Variants in CNTNAP2 observed in about 807,000 individuals in gnomAD.
The protein encoded by CNTNAP2 is contactin associated protein 2.
Under a neutral mutation model 155.2 loss-of-function variants are expected in CNTNAP2, and 98 were observed. That is an observed-to-expected ratio of 0.63 (90% CI 0.54 to 0.75). The LOEUF (loss-of-function observed/expected upper bound fraction) is 0.75. Ranked by LOEUF, CNTNAP2 falls within the 30% of genes least tolerant of loss-of-function variation. The probability of loss-of-function intolerance (pLI) is 0.00; values close to 1 mark genes in which losing one functional copy is unlikely to be tolerated. For synonymous variants in CNTNAP2, 651 were observed against 631.2 expected (o/e 1.03, Z -0.47); for missense variants, 1,727 against 1,688.1 (o/e 1.02, Z -0.40).
intron 15 of CNTNAP2, among the ~76,000 whole-genome samples, chr7:148,028,981 A>G (rs1165648561): frequency 6.6e-6 from 1 of 152,170 alleles, no homozygotes; most frequent in African/African-American, 2.4e-5. Flanking sequence ...TATGTCTCCA[A>G]ATAAAATCCC....
At chr7:148,242,609 G>A (rs753310271) in intron 20 of CNTNAP2, among the ~76,000 whole-genome samples, 1 of 152,250 alleles carries the variant, frequency 6.6e-6, no homozygotes, top group Non-Finnish European at 1.5e-5. Context: ...CGCGATGGCG[G>A]TAGGACTTGG....
chr7:148,036,571 T>A (rs1802577550), intron 15 of CNTNAP2, among the ~76,000 whole-genome samples: 1 of 152,120 alleles, frequency 6.6e-6, no homozygotes, highest in South Asian at 2.1e-4. Flanking sequence ...ACGGATGCCT[T>A]GATCTTGGAT....
At chr7:148,112,650 C>T (rs1804377792) in intron 15 of CNTNAP2, among the ~76,000 whole-genome samples, 1 of 152,088 alleles carries the variant, frequency 6.6e-6, no homozygotes, top group Admixed American at 6.6e-5. Flanking sequence ...CCACTTCAGC[C>T]TCCCCAGTCA....
At chr7:146,678,032 A>T (rs1164276818) in intron 1 of CNTNAP2, among the ~76,000 whole-genome samples, 1 of 152,090 alleles carries the variant, frequency 6.6e-6, no homozygotes, top group African/African-American at 2.4e-5. Context: ...ATGCTTATAA[A>T]TATAATTTAT....
intron 4 of CNTNAP2, among the ~76,000 whole-genome samples, chr7:147,098,364 C>T (rs371976521): frequency 2.0e-5 from 3 of 152,226 alleles, no homozygotes; most frequent in Non-Finnish European, 2.9e-5. Flanking sequence ...TTAGAACAGT[C>T]GAATGTGCTA....
chr7:146,596,215 T>C (rs1798856225), intron 1 of CNTNAP2, among the ~76,000 whole-genome samples: 1 of 151,992 alleles, frequency 6.6e-6, no homozygotes, highest in Non-Finnish European at 1.5e-5. Context: ...GTAAATAGAA[T>C]GTAACAATAT....
chr7:146,317,998 A>G (rs540268374), intron 1 of CNTNAP2, among the ~76,000 whole-genome samples: 3 of 152,182 alleles, frequency 2.0e-5, no homozygotes, highest in African/African-American at 7.2e-5. Context: ...AAAATTAGCC[A>G]GGTGTGGTGG....
chr7:147,263,364 G>C (rs1804535736), intron 8 of CNTNAP2, among the ~76,000 whole-genome samples: 1 of 114,164 alleles, frequency 8.8e-6, no homozygotes, highest in Non-Finnish European at 1.7e-5. Flanking sequence ...CTGCCTGGGA[G>C]AAAAATAAAA....
At chr7:146,362,780 T>C (rs1030266123) in intron 1 of CNTNAP2, among the ~76,000 whole-genome samples, 2 of 147,654 alleles carry the variant, frequency 1.4e-5, no homozygotes, top group African/African-American at 5.0e-5. Flanking sequence ...TTTTTTTTTT[T>C]TTTTTTTTTG....
chr7:147,309,342 A>C (rs1390078981), intron 9 of CNTNAP2, among the ~76,000 whole-genome samples: 1 of 152,198 alleles, frequency 6.6e-6, no homozygotes, highest in Admixed American at 6.6e-5. Flanking sequence ...CAATTTATTA[A>C]ATTTTAGAGT....
At chr7:147,630,631 A>G (rs1389957909) in intron 12 of CNTNAP2, among the ~76,000 whole-genome samples, 1 of 152,186 alleles carries the variant, frequency 6.6e-6, no homozygotes, top group Non-Finnish European at 1.5e-5. Context: ...CACCATTATC[A>G]AGTGGGTTTC....
intron 4 of CNTNAP2, among the ~76,000 whole-genome samples, chr7:147,073,964 G>A (rs1019417665): frequency 3.9e-5 from 6 of 152,130 alleles, no homozygotes; most frequent in Non-Finnish European, 8.8e-5. Flanking sequence ...GGATAAAGAT[G>A]AGGCATTTCA....
At chr7:147,309,285 A>G (rs990168773) in intron 9 of CNTNAP2, among the ~76,000 whole-genome samples, 4 of 152,178 alleles carry the variant, frequency 2.6e-5, no homozygotes, top group African/African-American at 9.7e-5. Flanking sequence ...TGAAATGCTA[A>G]TTTAGTATTA....
chr7:146,352,444 A>C (rs1034433958), intron 1 of CNTNAP2, among the ~76,000 whole-genome samples: 12 of 152,146 alleles, frequency 7.9e-5, no homozygotes, highest in African/African-American at 2.9e-4. Flanking sequence ...TAAGCATGTA[A>C]GATTTCCATT....
intron 21 of CNTNAP2, among the ~76,000 whole-genome samples, chr7:148,381,178 T>C (rs919102155): frequency 2.0e-5 from 3 of 152,214 alleles, no homozygotes; most frequent in Non-Finnish European, 4.4e-5. Context: ...CCAGAGGGCA[T>C]GTTACAGTGC....
intron 3 of CNTNAP2, among the ~76,000 whole-genome samples, chr7:147,011,161 C>A (rs1385774327): frequency 6.6e-6 from 1 of 151,992 alleles, no homozygotes; most frequent in African/African-American, 2.4e-5. Context: ...CACCTGTACT[C>A]CCTGCCCTTT....
At chr7:146,934,522 A>C (rs1288169964) in intron 3 of CNTNAP2, among the ~76,000 whole-genome samples, 1 of 152,030 alleles carries the variant, frequency 6.6e-6, no homozygotes, top group Admixed American at 6.6e-5. Context: ...TGGGTGCAGC[A>C]CACTAGCATG....
chr7:146,205,389 T>G (rs1170473458), intron 1 of CNTNAP2, among the ~76,000 whole-genome samples: 1 of 151,944 alleles, frequency 6.6e-6, no homozygotes, highest in Admixed American at 6.6e-5. Context: ...TTCTAGAAAC[T>G]GTAGAACATT....
At position 147,390,615 on chromosome 7, in the gene CNTNAP2, C is replaced by A. The variant is rs147854154; in HGVS notation, c.1499-4994C>A. On this transcript the variant is annotated intron_variant, in intron 9 of 23. Transcript: ENST00000361727. Reference sequence around the variant, plus strand: ...TCCTCCTAGGTGCCTCTCCATCTTACTACTTGAGGGTTTCCATGGCTTTTA... The same window carrying A: ...TCCTCCTAGGTGCCTCTCCATCTTAATACTTGAGGGTTTCCATGGCTTTTA... Among the ~76,000 whole-genome samples, 66 of 152,154 alleles carry A rather than the reference C, an allele frequency of 4.3e-4. No homozygotes were observed. The East Asian group carries it at 0.012, about 29-fold the overall frequency.
Sources: gnomAD v4.1 joint callset for allele counts (sites outside exome capture counted in the v4.1 genomes callset) on GRCh38, gnomAD v4.1.1 for gene constraint, MANE v1.5 for transcripts, NCBI Gene and HGNC (gene_info 2026-07-23, HGNC 2026-07-21) for gene names.